The following MGAT4C variants were observed in gnomAD, a reference collection of about 807,000 sequenced individuals.
MGAT4C encodes the protein alpha-1,3-mannosyl-glycoprotein 4-beta-N-acetylglucosaminyltransferase C.
Under a neutral mutation model 40.1 loss-of-function variants are expected in MGAT4C, and 19 were observed. The ratio of observed to expected loss-of-function variants is 0.47; its 90% confidence interval spans 0.33 to 0.70. The LOEUF is 0.70. Among genes scored for constraint, MGAT4C ranks in the 30% least tolerant of loss-of-function variants. The pLI is 0.02. For synonymous variants in MGAT4C, 181 were observed against 187.1 expected (o/e 0.97, Z 0.27); for missense variants, 491 against 563.2 (o/e 0.87, Z 1.30).
intron 1 of MGAT4C, among the ~76,000 whole-genome samples, chr12:86,149,538 C>T (rs1436617208): frequency 6.6e-6 from 1 of 152,082 alleles, no homozygotes; most frequent in African/African-American, 2.4e-5. Flanking sequence ...AGGATATTGC[C>T]CTCTTCTCTC....
chr12:86,693,629 C>G (rs542488857), intron 2 of MGAT4C, among the ~76,000 whole-genome samples: 1 of 151,964 alleles, frequency 6.6e-6, no homozygotes, highest in South Asian at 2.1e-4. Context: ...AATTAGATGA[C>G]AGTTGTAATT....
At chr12:86,441,676 C>CTCATCTTTT (rs1388547679) in intron 2 of MGAT4C, among the ~76,000 whole-genome samples, 1 of 152,004 alleles carries the variant, frequency 6.6e-6, no homozygotes, top group Non-Finnish European at 1.5e-5. Flanking sequence ...AGGACATGAA[C>CTCATCTTTT]TCATCTTTTT....
At chr12:86,649,086 T>G (rs369241459) in intron 2 of MGAT4C, among the ~76,000 whole-genome samples, 3 of 151,956 alleles carry the variant, frequency 2.0e-5, no homozygotes, top group South Asian at 4.1e-4. Flanking sequence ...ATTATAGTAA[T>G]AACAATAGGT....
chr12:86,429,474 C>T (rs1201624614), intron 3 of MGAT4C, among the ~76,000 whole-genome samples: 6 of 152,082 alleles, frequency 3.9e-5, no homozygotes, highest in Non-Finnish European at 4.4e-5. Context: ...TCTGTTAGGA[C>T]CATTAAATCT....
rs75226121 is a variant in MGAT4C at position 86,729,374 on chromosome 12, A to G, written c.-261-2133T>C. ...ATCCACAAAAATTTAAAAAAATAAA[A>G]ATTTTTAAAAAAAGGAAATAAACTT... is the stretch of plus-strand genomic sequence containing the variant. On this transcript the variant is annotated intron_variant, in intron 1 of 7. Coordinates refer to the MGAT4C transcript ENST00000548651. 1.6e-3 allele frequency among the ~76,000 whole-genome samples: 238 copies of G among 152,190 alleles called. 2 individuals carry two copies. In the East Asian group the frequency reaches 0.031, roughly 20 times the overall value.
intron 3 of MGAT4C, among the ~76,000 whole-genome samples, chr12:86,349,328 G>T (rs1005491611): frequency 2.0e-5 from 3 of 152,092 alleles, no homozygotes; most frequent in African/African-American, 4.8e-5. Context: ...GTAATTTAAG[G>T]CTGGGTAATA....
chr12:86,541,513 C>G (rs189429450), intron 2 of MGAT4C, among the ~76,000 whole-genome samples: 1 of 152,230 alleles, frequency 6.6e-6, no homozygotes, highest in African/African-American at 2.4e-5. Context: ...AATTTACACA[C>G]TACCACATTT....
chr12:86,631,201 T>A (rs1035954523), intron 2 of MGAT4C, among the ~76,000 whole-genome samples: 5 of 152,092 alleles, frequency 3.3e-5, no homozygotes, highest in Non-Finnish European at 7.4e-5. Context: ...TTACAAAGGA[T>A]GTGAAGGACC....
At chr12:86,437,663 C>T (rs994884790) in intron 2 of MGAT4C, among the ~76,000 whole-genome samples, 1 of 151,806 alleles carries the variant, frequency 6.6e-6, no homozygotes, top group East Asian at 1.9e-4. Context: ...ATTATCAGCA[C>T]CATTTTTCTA....
intron 1 of MGAT4C, among the ~76,000 whole-genome samples, chr12:86,143,082 C>T (rs1414163702): frequency 6.6e-6 from 1 of 152,136 alleles, no homozygotes; most frequent in East Asian, 1.9e-4. Flanking sequence ...TTGTTGGCAC[C>T]TTAATCATGG....
At chr12:86,822,020 G>A (rs1217697264) in intron 1 of MGAT4C, among the ~76,000 whole-genome samples, 2 of 150,842 alleles carry the variant, frequency 1.3e-5, no homozygotes, top group South Asian at 2.1e-4. Context: ...GACACAATAC[G>A]ACTAGGTATA....
chr12:86,837,985 G>T (rs980203106), intron 1 of MGAT4C, among the ~76,000 whole-genome samples: 2 of 152,038 alleles, frequency 1.3e-5, no homozygotes, highest in Admixed American at 1.3e-4. Context: ...AACATTTCTT[G>T]TACTTCTATG....
chr12:86,281,689 G>C (rs866497410), intron 4 of MGAT4C, among the ~76,000 whole-genome samples: 9 of 151,864 alleles, frequency 5.9e-5, no homozygotes, highest in Middle Eastern at 3.4e-3. Context: ...GATGTTTTTT[G>C]TATAAACTCC....
At chr12:86,132,034 T>A (rs1566027533) in intron 1 of MGAT4C, among the ~76,000 whole-genome samples, 1 of 152,142 alleles carries the variant, frequency 6.6e-6, no homozygotes, top group Non-Finnish European at 1.5e-5. Context: ...TTTTTGATGG[T>A]AAGAATTTAG....
intron 2 of MGAT4C, among the ~76,000 whole-genome samples, chr12:86,697,842 C>G (rs1440693897): frequency 1.3e-5 from 2 of 152,036 alleles, no homozygotes; most frequent in Non-Finnish European, 2.9e-5. Context: ...ATGAAACTCT[C>G]ATTCCTGCCT....
intron 1 of MGAT4C, among the ~76,000 whole-genome samples, chr12:86,771,878 A>G (rs1951646430): frequency 6.6e-6 from 1 of 152,126 alleles, no homozygotes; most frequent in Admixed American, 6.6e-5. Context: ...TTTGTGGAAA[A>G]TAGAACTTTT....
At chr12:86,128,315 T>C (rs1204548532) in intron 1 of MGAT4C, among the ~76,000 whole-genome samples, 5 of 152,174 alleles carry the variant, frequency 3.3e-5, no homozygotes, top group African/African-American at 9.7e-5. Flanking sequence ...TTCCTATGTG[T>C]TGTGGGAGGG....
At chr12:86,247,585 T>C (rs1205820804) in intron 1 of MGAT4C, among the ~76,000 whole-genome samples, 1 of 152,186 alleles carries the variant, frequency 6.6e-6, no homozygotes, top group East Asian at 1.9e-4. Context: ...ATCAGGAAGG[T>C]CAAGGAGGAA....
chr12:86,560,943 T>C (rs1382507833), intron 2 of MGAT4C, among the ~76,000 whole-genome samples: 1 of 152,106 alleles, frequency 6.6e-6, no homozygotes, highest in African/African-American at 2.4e-5. Flanking sequence ...GATCAGTGAA[T>C]ACAGTAAAGT....
Sources: allele counts gnomAD v4.1 joint callset (sites outside exome capture counted in the v4.1 genomes callset), GRCh38; gene constraint gnomAD v4.1.1; transcripts MANE v1.5; gene names NCBI Gene and HGNC (gene_info 2026-07-23, HGNC 2026-07-21).